Variants in CMIP observed in about 807,000 individuals in gnomAD.
CMIP encodes the protein C-Maf-inducing protein.
Under a neutral mutation model 97.3 loss-of-function variants are expected in CMIP, and 13 were observed. The observed-to-expected ratio is 0.13, with a 90% CI of 0.09 to 0.21. The LOEUF is 0.21. CMIP is among the 10% of genes least tolerant of loss of function. CMIP has a pLI of 1.00. For synonymous variants in CMIP, 538 were observed against 436.3 expected (o/e 1.23, Z -2.91); for missense variants, 847 against 1,024.9 (o/e 0.83, Z 2.37).
At chr16:81,545,179 C>G (rs770787487) in intron 1 of CMIP, among the ~76,000 whole-genome samples, 1 of 152,216 alleles carries the variant, frequency 6.6e-6, no homozygotes, top group Non-Finnish European at 1.5e-5. Flanking sequence ...CTGCCCTCCT[C>G]CCTGCAGGGT....
chr16:81,691,623 C>T, intron 10 of CMIP, 152 bp from the exon 11 acceptor site: 1 of 670,520 alleles, frequency 1.5e-6, no homozygotes, highest in South Asian at 1.7e-5. Flanking sequence ...CATTGACTTG[C>T]TCATCCTGGA....
chr16:81,593,027 G>A (rs1008217212), intron 1 of CMIP, among the ~76,000 whole-genome samples: 2 of 152,212 alleles, frequency 1.3e-5, no homozygotes, highest in Admixed American at 6.5e-5. Context: ...TCATGCCCAC[G>A]AAGATGACTG....
chr16:81,544,505 C>T (rs368055450), intron 1 of CMIP, among the ~76,000 whole-genome samples: 6 of 150,756 alleles, frequency 4.0e-5, no homozygotes, highest in African/African-American at 1.5e-4. Context: ...CTGCCGCTGA[C>T]CTTCCCGGCC....
intron 1 of CMIP, among the ~76,000 whole-genome samples, chr16:81,461,756 T>C (rs1026967376): frequency 7.9e-5 from 12 of 152,230 alleles, no homozygotes; most frequent in African/African-American, 2.9e-4. Flanking sequence ...TGGGTTCACA[T>C]CCCAGCAATG....
In CMIP at chr16:81,662,253, A is replaced by G. The variant is rs117077413; in HGVS notation, c.744+1307A>G. 1.2e-3 allele frequency among the ~76,000 whole-genome samples: 176 copies of G among 152,262 alleles called. 3 individuals are homozygous for G. In the East Asian group the frequency reaches 0.029, roughly 25 times the overall value. ...CTTAGGATTTCACCCAGATCTCATG[A>G]TTCTCAAAGTCTGGTTCTAGAACAC... On this transcript the variant is annotated intron_variant, in intron 6 of 20. Transcript: ENST00000537098.
intron 9 of CMIP, among the ~76,000 whole-genome samples, chr16:81,676,511 A>G (rs1227275459): frequency 6.6e-6 from 1 of 152,196 alleles, no homozygotes; most frequent in Non-Finnish European, 1.5e-5. Flanking sequence ...GCAACGGCAA[A>G]CAAAGAGAAA....
At chr16:81,524,168 A>C (rs1458651998) in intron 1 of CMIP, among the ~76,000 whole-genome samples, 1 of 152,222 alleles carries the variant, frequency 6.6e-6, no homozygotes, top group Admixed American at 6.5e-5. Flanking sequence ...AGGACCCTGT[A>C]ATGCCACGAT....
intron 1 of CMIP, among the ~76,000 whole-genome samples, chr16:81,455,674 C>A (rs188660605): frequency 6.6e-6 from 1 of 152,312 alleles, no homozygotes; most frequent in East Asian, 1.9e-4. Context: ...CCTAGGATTC[C>A]GAGCCCACCC....
At chr16:81,648,566 G>T (rs905798819) in intron 3 of CMIP, among the ~76,000 whole-genome samples, 1 of 151,812 alleles carries the variant, frequency 6.6e-6, no homozygotes, top group African/African-American at 2.4e-5. Flanking sequence ...GGTGGATCAC[G>T]TGAGATCAGG....
In CMIP at chr16:81,655,658, G is replaced by A. The variant is rs1597204384; in HGVS notation, c.640-2117G>A. ...GGAAAGGTGCGTGGGTGGCGGCGAG[G>A]GATGGATGTGTCGAGCTGCCCTTGG... On this transcript the variant is annotated intron_variant, in intron 4 of 20. Coordinates refer to ENST00000537098, the MANE Select transcript of CMIP (RefSeq NM_198390.3). This position sits in a 1 kb window ranked among gnomAD's most constrained non-coding sequence, Gnocchi z 4.9. Among the ~76,000 whole-genome samples the A allele has an allele frequency of 1.3e-5, 2 of 152,224 alleles. No homozygotes were observed. The highest frequency in any genetic ancestry group is 4.8e-5 in the African/African-American group (2 of 41,456).
chr16:81,581,022 C>G (rs2091287688), intron 1 of CMIP, among the ~76,000 whole-genome samples: 1 of 152,148 alleles, frequency 6.6e-6, no homozygotes, highest in Admixed American at 6.5e-5. Flanking sequence ...TACAATCACA[C>G]AGTACATGGT....
intron 1 of CMIP, among the ~76,000 whole-genome samples, chr16:81,596,378 C>G (rs1460729264): frequency 6.6e-6 from 1 of 151,788 alleles, no homozygotes; most frequent in Non-Finnish European, 1.5e-5. Context: ...TGGTGGGGCA[C>G]GCCTATAGTC....
Position 81,711,629 on chromosome 16 carries a change from A to G in CMIP, c.*1830A>G, listed in dbSNP as rs77337186. 1 of 151,994 alleles carries G rather than the reference A, an allele frequency of 6.6e-6. No individual in the cohort carries two copies. The highest frequency in any genetic ancestry group is 2.1e-4 in the South Asian group (1 of 4,828). 9.4% of individuals were successfully genotyped at this position (151,994 alleles called of 1,614,324 possible). ...AAAAAATAAAAAAGGAAAAAAAAAA[A>G]AGAAGAAACAAGACATGCCACCTTT... On this transcript the variant is annotated 3_prime_UTR_variant, in exon 21 of 21. Transcript: ENST00000537098.
chr16:81,694,127 C>T (rs996006356), intron 13 of CMIP, among the ~76,000 whole-genome samples: 1 of 152,328 alleles, frequency 6.6e-6, no homozygotes, highest in East Asian at 1.9e-4. Flanking sequence ...CTCACAGCAT[C>T]CCTGTGAGTG....
At position 81,601,371 on chromosome 16, in the gene CMIP, G is replaced by T. The variant is rs145954921; in HGVS notation, c.301-6196G>T. Reference sequence around the variant, plus strand: ...ACCACAAAGGCAAGGGAAGGCGAAGGCTAGGTGTCTTCTGCCAGCATCGGG... The same window carrying T: ...ACCACAAAGGCAAGGGAAGGCGAAGTCTAGGTGTCTTCTGCCAGCATCGGG... On this transcript the variant is annotated intron_variant, in intron 1 of 20. Coordinates refer to ENST00000537098, the MANE Select transcript of CMIP (RefSeq NM_198390.3). Among the ~76,000 whole-genome samples, 217 of 152,288 alleles carry T rather than the reference G, an allele frequency of 1.4e-3. 3 individuals are homozygous for T. Among genetic ancestry groups the T allele is most frequent in the African/African-American group, 4.4e-3 (181 of 41,570 alleles).
intron 1 of CMIP, among the ~76,000 whole-genome samples, chr16:81,460,352 CCACTCCTGCAGTCATGT>C (rs1806334682): frequency 1.3e-5 from 2 of 152,146 alleles, no homozygotes; most frequent in South Asian, 4.1e-4. Context: ...CGTCCCTCAG[CCACTCCTGCAGTCATGT>C]CACTCCCTCT....
chr16:81,706,947 G>A lies in CMIP; in HGVS notation c.2198-67G>A, dbSNP rs1908217495. 2.2e-6 allele frequency: 3 copies of A among 1,382,228 alleles called. No homozygotes were observed. In the South Asian group the frequency reaches 3.6e-5, roughly 16 times the overall value. The allele number at this position is 1,382,228 out of a possible 1,614,324, so 85.6% of individuals were successfully genotyped here. On this transcript the variant is annotated intron_variant, in intron 19 of 20. Coordinates refer to ENST00000537098, the MANE Select transcript of CMIP (RefSeq NM_198390.3). ...CACCTGCATTGAGCTCCTCCAGCTT[G>A]GCCATCCCATACCTTCATACCTTTG...
At chr16:81,491,029 C>G (rs889583065) in intron 1 of CMIP, among the ~76,000 whole-genome samples, 1 of 152,118 alleles carries the variant, frequency 6.6e-6, no homozygotes, top group Non-Finnish European at 1.5e-5. Flanking sequence ...CTGGTGACTG[C>G]TTGACTGCAT....
intron 1 of CMIP, among the ~76,000 whole-genome samples, chr16:81,472,871 C>T (rs899634572): frequency 6.6e-6 from 1 of 152,154 alleles, no homozygotes; most frequent in East Asian, 1.9e-4. Context: ...CTGCAGCCTG[C>T]GCCCAGTACT....
Sources: gnomAD v4.1 joint callset for allele counts (sites outside exome capture counted in the v4.1 genomes callset) on GRCh38, gnomAD v4.1.1 for gene constraint, Gnocchi (gnomAD v3.1) non-coding constraint, MANE v1.5 for transcripts, NCBI Gene and HGNC (gene_info 2026-07-23, HGNC 2026-07-21) for gene names.